Variants in MARCHF1 observed in about 807,000 individuals in gnomAD.
MARCHF1 encodes the protein membrane associated ring-CH-type finger 1.
Under a neutral mutation model 54.2 loss-of-function variants are expected in MARCHF1, and 40 were observed. The observed-to-expected ratio is 0.74, with a 90% CI of 0.57 to 0.96. MARCHF1 has a LOEUF of 0.96. Ranked by LOEUF, MARCHF1 falls within the 40% of genes least tolerant of loss-of-function variation. MARCHF1 has a pLI of 0.00. For missense variants in MARCHF1, 586 were observed against 656.5 expected (o/e 0.89, Z 1.17); for synonymous variants, 236 against 236.3 (o/e 1.00, Z 0.01).
intron 1 of MARCHF1, among the ~76,000 whole-genome samples, chr4:164,159,680 T>G (rs9991538): frequency 0.19 from 29,019 of 152,116 alleles, 4,409 homozygotes; most frequent in African/African-American, 0.41. Context: ...AGAAACGTTT[T>G]TAATATCAGT....
intron 8 of MARCHF1, among the ~76,000 whole-genome samples, chr4:163,563,207 CTTAATA>C (rs1203923277): frequency 5.3e-5 from 8 of 152,122 alleles, no homozygotes; most frequent in Admixed American, 2.6e-4. Flanking sequence ...TATTATCTGC[CTTAATA>C]TTAATATTAA....
intron 4 of MARCHF1, among the ~76,000 whole-genome samples, chr4:163,724,856 A>T (rs772124328): frequency 3.3e-5 from 5 of 151,716 alleles, no homozygotes; most frequent in Admixed American, 6.5e-5. Flanking sequence ...GACCATTGGA[A>T]AAGCGCAGTA....
At chr4:164,228,231 C>G (rs747260114) in intron 1 of MARCHF1, among the ~76,000 whole-genome samples, 1 of 152,142 alleles carries the variant, frequency 6.6e-6, no homozygotes, top group Non-Finnish European at 1.5e-5. Flanking sequence ...GTTAGAGGTA[C>G]AAACTTTCCC....
chr4:163,975,287 T>C (rs771574455), intron 3 of MARCHF1, among the ~76,000 whole-genome samples: 13 of 151,614 alleles, frequency 8.6e-5, no homozygotes, highest in Non-Finnish European at 1.6e-4. Flanking sequence ...TGAGAAGAAA[T>C]TATTATCAAA....
intron 1 of MARCHF1, among the ~76,000 whole-genome samples, chr4:164,220,648 C>CATATATGTAATATATATGCTATATGT (rs1560959903): frequency 1.5e-5 from 2 of 130,450 alleles, no homozygotes; most frequent in Non-Finnish European, 3.2e-5. Flanking sequence ...GCTATATATG[C>CATATATGTAATATATATGCTATATGT]ATATATGTAA....
Position 163,539,001 on chromosome 4 carries a change from T to TTTTATTTATTTATTTA in MARCHF1, c.1339+6579_1339+6594dup, listed in dbSNP as rs56805784. ...TGGTGGTTTCGCTCTCTCCTGATGC[T>TTTTATTTATTTATTTA]TTTATTTATTTATTTATTTATTTAT... On this transcript the variant is annotated intron_variant, in intron 9 of 9. Coordinates refer to ENST00000514618, the MANE Select transcript of MARCHF1 (RefSeq NM_001394959.1). Among the ~76,000 whole-genome samples, 489 of 149,094 alleles carry TTTTATTTATTTATTTA rather than the reference T, an allele frequency of 3.3e-3. 2 individuals carry two copies. The highest frequency in any genetic ancestry group is 0.012 in the African/African-American group (477 of 40,256).
chr4:164,183,145 A>G (rs758607394), intron 1 of MARCHF1, among the ~76,000 whole-genome samples: 1 of 152,080 alleles, frequency 6.6e-6, no homozygotes, highest in Non-Finnish European at 1.5e-5. Flanking sequence ...AGGTTATATG[A>G]CTTCAGGATT....
intron 4 of MARCHF1, among the ~76,000 whole-genome samples, chr4:163,727,100 A>G (rs1340618888): frequency 6.6e-6 from 1 of 152,048 alleles, no homozygotes; most frequent in East Asian, 1.9e-4. Flanking sequence ...TTTTTCTTTC[A>G]TGAATCATGC....
chr4:163,553,833 G>C (rs1381543045), intron 8 of MARCHF1, among the ~76,000 whole-genome samples: 1 of 152,160 alleles, frequency 6.6e-6, no homozygotes, highest in East Asian at 1.9e-4. Flanking sequence ...CAGGACATGA[G>C]AAGCAGTCTG....
intron 7 of MARCHF1, among the ~76,000 whole-genome samples, chr4:163,607,375 G>A (rs538054027): frequency 1.3e-5 from 2 of 152,196 alleles, no homozygotes; most frequent in South Asian, 4.1e-4. Flanking sequence ...TCAGTACTTT[G>A]TTGGAGACTG....
At chr4:164,050,810 G>A (rs759555848) in intron 2 of MARCHF1, among the ~76,000 whole-genome samples, 19 of 152,146 alleles carry the variant, frequency 1.2e-4, no homozygotes, top group Admixed American at 2.6e-4. Context: ...GTGCATGCCT[G>A]TAATCCCAGA....
chr4:163,782,957 A>G (rs1356413557), intron 4 of MARCHF1, among the ~76,000 whole-genome samples: 1 of 152,224 alleles, frequency 6.6e-6, no homozygotes, highest in Non-Finnish European at 1.5e-5. Flanking sequence ...CTGTGACAGA[A>G]TGGAGAACTA....
chr4:163,661,707 T>C (rs528441149), intron 5 of MARCHF1, among the ~76,000 whole-genome samples: 2 of 152,030 alleles, frequency 1.3e-5, no homozygotes, highest in South Asian at 4.1e-4. Context: ...ACCATCCACA[T>C]AGTCAAGTGA....
intron 1 of MARCHF1, among the ~76,000 whole-genome samples, chr4:164,176,523 T>C (rs1730667248): frequency 1.3e-5 from 2 of 152,100 alleles, no homozygotes; most frequent in African/African-American, 2.4e-5. Flanking sequence ...TAATATTTAA[T>C]TGGCCTAAAA....
At chr4:163,760,997 T>C (rs1448600537) in intron 4 of MARCHF1, among the ~76,000 whole-genome samples, 1 of 152,120 alleles carries the variant, frequency 6.6e-6, no homozygotes, top group Non-Finnish European at 1.5e-5. Flanking sequence ...CGTTTAACAA[T>C]ATGAGTGAAT....
At chr4:164,151,038 C>G (rs540802752) in intron 1 of MARCHF1, among the ~76,000 whole-genome samples, 5 of 152,088 alleles carry the variant, frequency 3.3e-5, no homozygotes, top group Non-Finnish European at 5.9e-5. Flanking sequence ...CAGTCAAGGA[C>G]CTTTCAAAAC....
chr4:164,137,127 A>G lies in MARCHF1; in HGVS notation c.-322-25465T>C, dbSNP rs181217719. On this transcript the variant is annotated intron_variant, in intron 1 of 9. Coordinates refer to ENST00000514618, the MANE Select transcript of MARCHF1 (RefSeq NM_001394959.1). ...ATGCCAAGCTTTACCTTAGTCAAAA[A>G]TATTGCTATTTTAATGTTGTCAATT... Among the ~76,000 whole-genome samples the G allele has an allele frequency of 3.1e-3, 472 of 152,352 alleles. 1 individual carries two copies. Among genetic ancestry groups the G allele is most frequent in the African/African-American group, 0.011 (446 of 41,578 alleles).
In MARCHF1 at chr4:164,054,304, G is replaced by C. The variant is rs1435915453; in HGVS notation, c.-248+57284C>G. ...GTGCTGGAGAGGATGTGGAGAAATA[G>C]GAACACTTTGACACTGTTGGTGGGA... On this transcript the variant is annotated intron_variant, in intron 2 of 9. Coordinates refer to ENST00000514618, the MANE Select transcript of MARCHF1 (RefSeq NM_001394959.1). Among the ~76,000 whole-genome samples, 3 of 152,148 alleles carry C rather than the reference G, an allele frequency of 2.0e-5. No individual in the cohort carries two copies. In the East Asian group the frequency reaches 5.8e-4, roughly 30 times the overall value.
At chr4:163,856,677 G>A (rs1167394532) in intron 3 of MARCHF1, among the ~76,000 whole-genome samples, 2 of 152,156 alleles carry the variant, frequency 1.3e-5, no homozygotes, top group Non-Finnish European at 2.9e-5. Flanking sequence ...AGGTATGTTA[G>A]AATCACAGCA....
Sources: allele counts gnomAD v4.1 joint callset (sites outside exome capture counted in the v4.1 genomes callset), GRCh38; gene constraint gnomAD v4.1.1; transcripts MANE v1.5; gene names NCBI Gene and HGNC (gene_info 2026-07-23, HGNC 2026-07-21).